Variants in AIDA observed in about 807,000 individuals in gnomAD.
The protein encoded by AIDA is axin interactor, dorsalization-associated protein.
A neutral mutation model predicts 42.7 loss-of-function variants in AIDA; 18 were observed. That is an observed-to-expected ratio of 0.42 (90% CI 0.29 to 0.63). AIDA has a LOEUF of 0.63. AIDA is among the 20% of genes least tolerant of loss of function. The probability of loss-of-function intolerance (pLI) is 0.19; values close to 1 mark genes in which losing one functional copy is unlikely to be tolerated. For missense variants in AIDA, 250 were observed against 354.1 expected, an observed-to-expected ratio of 0.71 and a Z score of 2.36; for synonymous variants, 104 against 122.9, an observed-to-expected ratio of 0.85 and a Z score of 1.02.
At chr1:222,678,893 C>A (rs748467315) in intron 6 of AIDA, among the ~76,000 whole-genome samples, 1 of 152,218 alleles carries the variant, frequency 6.6e-6, no homozygotes, top group Non-Finnish European at 1.5e-5. Flanking sequence ...TCATAATATA[C>A]TGTGTCCACC....
chr1:222,672,512 G>A (rs888625877), intron 8 of AIDA, among the ~76,000 whole-genome samples: 2 of 152,132 alleles, frequency 1.3e-5, no homozygotes, highest in Admixed American at 6.5e-5. Context: ...CCATGGTTTC[G>A]GATTCAGGAT....
intron 2 of AIDA, among the ~76,000 whole-genome samples, chr1:222,695,538 A>G (rs1655495429): frequency 6.6e-6 from 1 of 152,234 alleles, no homozygotes; most frequent in Non-Finnish European, 1.5e-5. Context: ...AGGTTGAAGT[A>G]GGAAAGGGCA....
chr1:222,687,559 A>G lies in AIDA; in HGVS notation c.353+36T>C, dbSNP rs371007133. ...GAACTATCTGAAAGAGAGGTATAAA[A>G]TAAAATAAGAAAACAAATATAAATG... On this transcript the variant is annotated intron_variant, in intron 5 of 9. Coordinates refer to ENST00000340020, the MANE Select transcript of AIDA (RefSeq NM_022831.4). The G allele has an allele frequency of 7.6e-5, 111 of 1,455,574 alleles. No homozygotes were observed. The Middle Eastern group carries it at 1.3e-3, about 17-fold the overall frequency. The allele number at this position is 1,455,574 out of a possible 1,614,324, so 90.2% of individuals were successfully genotyped here. A position where few individuals can be genotyped will look rare whatever the true frequency, so the allele number is the denominator to read the frequency against.
chr1:222,676,864 G>C (rs1571924821), intron 6 of AIDA, among the ~76,000 whole-genome samples: 1 of 145,458 alleles, frequency 6.9e-6, no homozygotes, highest in African/African-American at 2.5e-5. Context: ...GTATTTAATG[G>C]AATAATTTTA....
At chr1:222,702,035 A>AC (rs1406262816) in intron 2 of AIDA, among the ~76,000 whole-genome samples, 1 of 152,184 alleles carries the variant, frequency 6.6e-6, no homozygotes, top group African/African-American at 2.4e-5. Context: ...AAAAAAAAAA[A>AC]AATTCTTTTA....
intron 2 of AIDA, among the ~76,000 whole-genome samples, chr1:222,695,987 C>T (rs978329384): frequency 1.4e-4 from 22 of 151,946 alleles, no homozygotes; most frequent in African/African-American, 5.1e-4. Flanking sequence ...CAATAAACGG[C>T]GATACAACAA....
intron 6 of AIDA, among the ~76,000 whole-genome samples, chr1:222,686,459 G>A (rs527523839): frequency 6.6e-6 from 1 of 152,268 alleles, no homozygotes; most frequent in South Asian, 2.1e-4. Context: ...AAAGCTTTGG[G>A]CACTGACTCT....
Position 222,708,461 on chromosome 1 carries a change from A to G in AIDA, c.110+3747T>C, listed in dbSNP as rs183821062. On this transcript the variant is annotated intron_variant, in intron 1 of 9. Coordinates refer to ENST00000340020, the MANE Select transcript of AIDA (RefSeq NM_022831.4). ...CCCCTCACTGCAACCTCCACTTCCCAGGTTCGAGCGATTCTTGTGCCTCAG... is the reference window on the plus strand; with the variant it reads ...CCCCTCACTGCAACCTCCACTTCCCGGGTTCGAGCGATTCTTGTGCCTCAG... Among the ~76,000 whole-genome samples the G allele has an allele frequency of 1.4e-3, 211 of 151,350 alleles. 5 individuals are homozygous for G. The South Asian group carries it at 0.019, about 14-fold the overall frequency.
intron 1 of AIDA, among the ~76,000 whole-genome samples, chr1:222,709,258 T>C (rs1409566894): frequency 6.6e-6 from 1 of 152,050 alleles, no homozygotes; most frequent in African/African-American, 2.4e-5. Flanking sequence ...TGGTGAAACC[T>C]GGTCTCTACT....
At chr1:222,702,904 A>T (rs1348630939) in intron 2 of AIDA, among the ~76,000 whole-genome samples, 4 of 152,256 alleles carry the variant, frequency 2.6e-5, no homozygotes, top group Non-Finnish European at 4.4e-5. Context: ...CACTAAAGTT[A>T]AGCAAAGTTA....
chr1:222,678,555 G>C (rs1479958518), intron 6 of AIDA, among the ~76,000 whole-genome samples: 2 of 151,880 alleles, frequency 1.3e-5, no homozygotes, highest in African/African-American at 4.8e-5. Context: ...AATATAATAA[G>C]GTTTAATCTA....
intron 2 of AIDA, 72 bp downstream of exon 2, chr1:222,703,076 T>C: frequency 1.6e-6 from 2 of 1,250,028 alleles, no homozygotes; most frequent in South Asian, 2.8e-5. Flanking sequence ...TTTTTTGTTT[T>C]GCTTAATGAA....
intron 2 of AIDA, among the ~76,000 whole-genome samples, chr1:222,700,148 A>C (rs1376997933): frequency 6.6e-6 from 1 of 152,232 alleles, no homozygotes; most frequent in Admixed American, 6.5e-5. Context: ...AGTCCAAAGA[A>C]TAGGCAGGCA....
intron 6 of AIDA, among the ~76,000 whole-genome samples, chr1:222,680,846 G>A (rs547503205): frequency 6.6e-6 from 1 of 151,970 alleles, no homozygotes; most frequent in South Asian, 2.1e-4. Flanking sequence ...TTAATGCCCA[G>A]AGGAAGAAAA....
chr1:222,691,231 G>T (rs1371834108), intron 4 of AIDA, among the ~76,000 whole-genome samples: 2 of 152,022 alleles, frequency 1.3e-5, no homozygotes, highest in South Asian at 2.1e-4. Flanking sequence ...AACAACAAAG[G>T]CTCTGAGGCA....
Position 222,686,949 on chromosome 1 carries a change from A to G in AIDA, c.441T>C (p.Ser147=). The G allele has an allele frequency of 6.2e-7, 1 of 1,613,758 alleles. No homozygotes were observed. The highest frequency in any genetic ancestry group is 1.1e-5 in the South Asian group (1 of 91,018). Residue 147 remains serine, a synonymous_variant, in exon 6 of 10, where the codon TCT becomes TCC. Coordinates refer to ENST00000340020, the MANE Select transcript of AIDA (RefSeq NM_022831.4). The part of the protein sequence containing the change: ...EGGAGAGSPD[S]FPARVPGTLL... Reference sequence around the variant, plus strand: ...ACCTACCGGGAACTCTAGCAGGAAAAGAATCAGGAGACCCTGCTCCAGCAC... The same window carrying G: ...ACCTACCGGGAACTCTAGCAGGAAAGGAATCAGGAGACCCTGCTCCAGCAC...
intron 6 of AIDA, among the ~76,000 whole-genome samples, chr1:222,678,680 C>G (rs1403434072): frequency 6.6e-6 from 1 of 152,144 alleles, no homozygotes; most frequent in Non-Finnish European, 1.5e-5. Flanking sequence ...CATTTCATCT[C>G]CACCATGAAG....
intron 8 of AIDA, among the ~76,000 whole-genome samples, chr1:222,672,168 TAA>T: frequency 6.6e-6 from 1 of 151,970 alleles, no homozygotes; most frequent in Non-Finnish European, 1.5e-5. Context: ...TGGAAAAAAT[TAA>T]TAGAGTCAAA....
At chr1:222,709,896 A>G (rs1247304967) in intron 1 of AIDA, among the ~76,000 whole-genome samples, 1 of 152,228 alleles carries the variant, frequency 6.6e-6, no homozygotes, top group Non-Finnish European at 1.5e-5. Flanking sequence ...TTTAAGCTAC[A>G]GTATTATTAC....
Sources: allele counts gnomAD v4.1 joint callset (sites outside exome capture counted in the v4.1 genomes callset), GRCh38; gene constraint gnomAD v4.1.1; transcripts MANE v1.5; gene names NCBI Gene and HGNC (gene_info 2026-07-23, HGNC 2026-07-21).